The following TMEM165 variants were observed in gnomAD, a reference collection of about 807,000 sequenced individuals.
TMEM165 encodes the protein putative divalent cation/proton antiporter TMEM165.
A neutral mutation model predicts 30.0 loss-of-function variants in TMEM165; 19 were observed. That is an observed-to-expected ratio of 0.63 (90% CI 0.44 to 0.93). TMEM165 has a LOEUF of 0.93. Among genes scored for constraint, TMEM165 ranks in the 40% least tolerant of loss-of-function variants. The probability of loss-of-function intolerance (pLI) is 0.00; values close to 1 mark genes in which losing one functional copy is unlikely to be tolerated. For synonymous variants in TMEM165, 168 were observed against 162.9 expected (o/e 1.03, Z -0.24); for missense variants, 340 against 417.0 (o/e 0.82, Z 1.61).
intron 3 of TMEM165, chr4:55,442,538 T>C (rs1723453781): frequency 1.2e-6 from 2 of 1,610,580 alleles, no homozygotes; most frequent in Non-Finnish European, 8.5e-7. Context: ...GGCTGAGAAA[T>C]CACCATAGTG....
chr4:55,435,426 G>A, intron 3 of TMEM165: 1 of 1,613,924 alleles, frequency 6.2e-7, no homozygotes, highest in Non-Finnish European at 8.5e-7. Context: ...TACTGTGGTT[G>A]AACCTTGGAA....
intron 1 of TMEM165, among the ~76,000 whole-genome samples, chr4:55,404,982 C>G (rs1578231838): frequency 6.7e-6 from 1 of 149,442 alleles, no homozygotes; most frequent in Admixed American, 6.6e-5. Context: ...GTAGCGCACC[C>G]CAACCTGACG....
downstream of TMEM165, chr4:55,429,317 C>G (rs1184287617): frequency 6.6e-6 from 1 of 152,176 alleles, no homozygotes; most frequent in Non-Finnish European, 1.5e-5. Flanking sequence ...CTACCGTTCT[C>G]TAAGTTGTGT....
intron 3 of TMEM165, among the ~76,000 whole-genome samples, chr4:55,444,184 T>C (rs1368310404): frequency 1.3e-5 from 2 of 152,168 alleles, no homozygotes; most frequent in Admixed American, 1.3e-4. Flanking sequence ...CACACAGAAG[T>C]AGTTTTCACT....
At chr4:55,444,705 A>G in intron 3 of TMEM165, 1 of 1,614,040 alleles carries the variant, frequency 6.2e-7, no homozygotes, top group African/African-American at 1.3e-5. Flanking sequence ...GCCGATGAAT[A>G]TTTGCTTCTA....
At chr4:55,396,474 C>G (rs574467147) in intron 1 of TMEM165, 78 bp downstream of exon 1, 2 of 1,217,908 alleles carry the variant, frequency 1.6e-6, no homozygotes, top group African/African-American at 3.2e-5. Context: ...TTTGAAAGCG[C>G]CGCACTCCGC....
chr4:55,404,732 A>T (rs1352462738), intron 1 of TMEM165, among the ~76,000 whole-genome samples: 1 of 152,188 alleles, frequency 6.6e-6, no homozygotes, highest in Non-Finnish European at 1.5e-5. Flanking sequence ...GCCACCACAA[A>T]TTCCATTTTT....
At chr4:55,448,321 A>G (rs1229166033) in intron 3 of TMEM165, among the ~76,000 whole-genome samples, 1 of 152,176 alleles carries the variant, frequency 6.6e-6, no homozygotes, top group Non-Finnish European at 1.5e-5. Flanking sequence ...TCATAGGAGG[A>G]ACAAAATGAA....
chr4:55,396,411 A>T lies in TMEM165; in HGVS notation c.207+15A>T. The T allele has an allele frequency of 2.1e-6, 3 of 1,449,282 alleles. No homozygotes were observed. The highest frequency in any genetic ancestry group is 1.4e-5 in the South Asian group (1 of 72,704). The allele number at this position is 1,449,282 out of a possible 1,614,324, so 89.8% of individuals were successfully genotyped here. On this transcript the variant is annotated intron_variant, in intron 1 of 5. Coordinates refer to ENST00000381334, the MANE Select transcript of TMEM165 (RefSeq NM_018475.5). ...CCCGGGTCGAGGTGAGCGGGCCGGG[A>T]TGGGGCGAGCGAGGCTGCAGGGCCG...
At chr4:55,429,664 G>A (rs1031657495), downstream of TMEM165, 5 of 152,158 alleles carry the variant, frequency 3.3e-5, no homozygotes, top group African/African-American at 1.2e-4. Flanking sequence ...CCCCAAATGG[G>A]CAAAATAGAG....
intron 5 of TMEM165, 50 bp from the exon 6 acceptor site, chr4:55,425,326 T>G (rs1396898636): frequency 6.8e-7 from 1 of 1,470,498 alleles, no homozygotes; most frequent in Admixed American, 1.7e-5. Context: ...TTGTACAGTA[T>G]CAAGGTATAG....
chr4:55,404,916 A>G (rs967495325), intron 1 of TMEM165, among the ~76,000 whole-genome samples: 4 of 152,212 alleles, frequency 2.6e-5, no homozygotes, highest in Non-Finnish European at 5.9e-5. Flanking sequence ...ACAGCTCCTA[A>G]GTTTTTTTGA....
Position 55,396,030 on chromosome 4 carries a change from C to T in TMEM165, c.-160C>T, listed in dbSNP as rs1341380617. 1 of 493,382 alleles carries T rather than the reference C, an allele frequency of 2.0e-6. No homozygotes were observed. The highest frequency in any genetic ancestry group is 4.6e-5 in the Admixed American group (1 of 21,860). The allele number at this position is 493,382 out of a possible 1,614,324, so 30.6% of individuals were successfully genotyped here. A position where few individuals can be genotyped will look rare whatever the true frequency, so the allele number is the denominator to read the frequency against. On this transcript the variant is annotated 5_prime_UTR_variant, in exon 1 of 6. Transcript: ENST00000381334. ...GCGGACTTCGGCCTGCCCCTCACCTCACTCCCGCTGCTTGCACCTCCCGGA... is the reference window on the plus strand; with the variant it reads ...GCGGACTTCGGCCTGCCCCTCACCTTACTCCCGCTGCTTGCACCTCCCGGA...
intron 3 of TMEM165, among the ~76,000 whole-genome samples, chr4:55,450,910 A>AT (rs1724384036): frequency 6.6e-6 from 1 of 152,118 alleles, no homozygotes; most frequent in Middle Eastern, 3.2e-3. Context: ...TGAGAAGAGA[A>AT]TTGCTTAAGC....
chr4:55,442,556 G>T, intron 3 of TMEM165: 1 of 1,611,716 alleles, frequency 6.2e-7, no homozygotes, highest in Non-Finnish European at 8.5e-7. Flanking sequence ...GTGTTATACA[G>T]TGGGGCTGTA....
chr4:55,396,298 G>A lies in TMEM165; in HGVS notation c.109G>A (p.Glu37Lys). The A allele has an allele frequency of 6.5e-7, 1 of 1,531,480 alleles. No individual in the cohort carries two copies. The highest frequency in any genetic ancestry group is 8.7e-7 in the Non-Finnish European group (1 of 1,144,520). 94.9% of individuals were successfully genotyped at this position (1,531,480 alleles called of 1,614,324 possible). A position where few individuals can be genotyped will look rare whatever the true frequency, so the allele number is the denominator to read the frequency against. The change falls in exon 1 of 6, where the codon GAA becomes AAA. Residue 37 changes from glutamate (E) to lysine (K), a missense_variant. By Grantham distance (56) the Glu-to-Lys change is moderately conservative (BLOSUM62 1). This residue lies in a region of TMEM165 where 120 missense variants were observed against 109.4 expected (regional missense o/e 1.10). Transcript: ENST00000381334. ...APAAVRAGPD[E>K]DLSHRNKEPP... Reference sequence around the variant, plus strand: ...GGCTGCGGTCCGGGCCGGCCCAGATGAAGACCTTAGCCACCGGAACAAAGA... The same window carrying A: ...GGCTGCGGTCCGGGCCGGCCCAGATAAAGACCTTAGCCACCGGAACAAAGA...
chr4:55,398,952 A>G (rs1325126453), intron 1 of TMEM165: 1 of 151,798 alleles, frequency 6.6e-6, no homozygotes, highest in Non-Finnish European at 1.5e-5. Context: ...GGGATCCACC[A>G]GATGGAATTA....
chr4:55,406,609 G>A (rs952510471), intron 1 of TMEM165, among the ~76,000 whole-genome samples: 4 of 152,050 alleles, frequency 2.6e-5, no homozygotes, highest in Non-Finnish European at 4.4e-5. Context: ...CCGTTATGTG[G>A]ATCTACCATT....
At chr4:55,397,902 TTTTG>T (rs2109513267) in intron 1 of TMEM165, among the ~76,000 whole-genome samples, 1 of 100,210 alleles carries the variant, frequency 1.0e-5, no homozygotes, top group East Asian at 3.2e-4. Flanking sequence ...CCCGGCTAAT[TTTTG>T]TTTATTTTTT....
Sources: gnomAD v4.1 joint callset for allele counts (sites outside exome capture counted in the v4.1 genomes callset) on GRCh38, gnomAD v4.1.1 for gene constraint, gnomAD v4.1.1 regional missense constraint, MANE v1.5 for transcripts, NCBI Gene and HGNC (gene_info 2026-07-23, HGNC 2026-07-21) for gene names.